The following ATP11A variants were observed in gnomAD, a reference collection of about 807,000 sequenced individuals.
The protein encoded by ATP11A is phospholipid-transporting ATPase IH.
A neutral mutation model predicts 154.4 loss-of-function variants in ATP11A; 81 were observed. That is an observed-to-expected ratio of 0.52 (90% CI 0.44 to 0.63). The LOEUF (loss-of-function observed/expected upper bound fraction) is 0.63, where lower values mean the gene tolerates loss of function less well. ATP11A is among the 30% of genes least tolerant of loss of function. The pLI, the probability that ATP11A is intolerant of heterozygous loss-of-function variation, is 0.00. For synonymous variants in ATP11A, 623 were observed against 585.9 expected (o/e 1.06, Z -0.91); for missense variants, 1,316 against 1,474.3 (o/e 0.89, Z 1.76).
chr13:112,700,762 G>A (rs1317663036), intron 1 of ATP11A, among the ~76,000 whole-genome samples: 1 of 152,198 alleles, frequency 6.6e-6, no homozygotes, highest in Non-Finnish European at 1.5e-5. Context: ...CAAACCCAGG[G>A]CCTGCAACTC....
intron 2 of ATP11A, among the ~76,000 whole-genome samples, chr13:112,787,916 G>A (rs1034990567): frequency 2.7e-5 from 4 of 148,100 alleles, no homozygotes; most frequent in African/African-American, 7.6e-5. Context: ...AGACCCTTGC[G>A]GAGACCTACT....
chr13:112,693,056 A>AAGGACTTTCC (rs1484585269), intron 1 of ATP11A, among the ~76,000 whole-genome samples: 2 of 152,240 alleles, frequency 1.3e-5, no homozygotes, highest in Admixed American at 1.3e-4. Context: ...GCTAAAAGAT[A>AAGGACTTTCC]AAGAAGTCCT....
chr13:112,867,913 G>A (rs556958106), intron 25 of ATP11A, among the ~76,000 whole-genome samples: 1 of 152,328 alleles, frequency 6.6e-6, no homozygotes, highest in Non-Finnish European at 1.5e-5. Flanking sequence ...GGCCCTCTGG[G>A]ATTGATTGTT....
chr13:112,860,260 C>A lies in ATP11A; in HGVS notation c.2728-27C>A, dbSNP rs201416616. ...AAGTTTGTAACAATGCACTGAGGTG[C>A]CACTTCTTGTGACTTTCCTCTTACA... On this transcript the variant is annotated intron_variant, in intron 23 of 29. Coordinates refer to ENST00000375645, the MANE Select transcript of ATP11A (RefSeq NM_015205.3). The A allele has an allele frequency of 3.5e-4, 559 of 1,602,322 alleles. 4 individuals carry two copies. Among genetic ancestry groups the A allele is most frequent in the Admixed American group, 1.9e-4 (11 of 58,680 alleles).
At chr13:112,844,821 G>C (rs954237622) in intron 17 of ATP11A, among the ~76,000 whole-genome samples, 4 of 151,658 alleles carry the variant, frequency 2.6e-5, no homozygotes, top group African/African-American at 9.7e-5. Context: ...CAGTCCAGTT[G>C]CCGGGTGTTA....
intron 1 of ATP11A, among the ~76,000 whole-genome samples, chr13:112,715,431 C>CCA (rs1209896000): frequency 0.094 from 2,261 of 24,070 alleles, 92 homozygotes; most frequent in Middle Eastern, 0.17. Flanking sequence ...GGCCCACCTC[C>CCA]CCACACCTGG....
Position 112,858,216 on chromosome 13 carries a change from A to C in ATP11A, c.2593A>C (p.Lys865Gln). 1 of 1,614,130 alleles carries C rather than the reference A, an allele frequency of 6.2e-7. No individual in the cohort carries two copies. The highest frequency in any genetic ancestry group is 1.1e-5 in the South Asian group (1 of 91,078). Residue 865 changes from lysine (K) to glutamine (Q), a missense_variant, in exon 22 of 30, where the codon AAG becomes CAG. Lys to Gln is a moderately conservative substitution (Grantham distance 53). Transcript: ENST00000375645. ...TGCAATCCCAAAGTTTAAGCATTTG[A>C]AGAAGATGCTGCTTGTTCACGGGCA... ...DYAIPKFKHL[K>Q]KMLLVHGHFY...
chr13:112,731,481 G>T (rs892333622), intron 1 of ATP11A, among the ~76,000 whole-genome samples: 2 of 152,142 alleles, frequency 1.3e-5, no homozygotes, highest in African/African-American at 4.8e-5. Context: ...GCCAGCTGAG[G>T]TTCTGTAGTT....
chr13:112,854,685 A>G (rs1440369095), intron 19 of ATP11A, among the ~76,000 whole-genome samples, 155 bp downstream of exon 19: 1 of 152,254 alleles, frequency 6.6e-6, no homozygotes, highest in Non-Finnish European at 1.5e-5. Flanking sequence ...GGTCAGGTGA[A>G]CACTGGGAAC....
At chr13:112,703,436 A>G (rs1886806773) in intron 1 of ATP11A, 1 of 152,276 alleles carries the variant, frequency 6.6e-6, no homozygotes, top group Non-Finnish European at 1.5e-5. Context: ...AGTTCAGCCC[A>G]CAGCAGTGTC....
In ATP11A at chr13:112,786,803, AC is replaced by A. The variant is rs545708757; in HGVS notation, c.162+1547del. Among the ~76,000 whole-genome samples the A allele has an allele frequency of 1.5e-3, 229 of 152,386 alleles. 1 individual carries two copies. The highest frequency in any genetic ancestry group is 5.3e-3 in the African/African-American group (219 of 41,590). On this transcript the variant is annotated intron_variant, in intron 2 of 29. Coordinates refer to ENST00000375645, the MANE Select transcript of ATP11A (RefSeq NM_015205.3). ...TTCACACGTGTGCCCTCACCTGTAG[AC>A]GCATTTAATTTACATTGGGTGTCCT... is the stretch of plus-strand genomic sequence containing the variant.
intron 1 of ATP11A, among the ~76,000 whole-genome samples, chr13:112,698,746 C>T (rs1045296260): frequency 8.5e-5 from 5 of 58,828 alleles, no homozygotes; most frequent in Non-Finnish European, 3.3e-4. Flanking sequence ...GAGACAAGGT[C>T]TCACTCTGTC....
intron 1 of ATP11A, among the ~76,000 whole-genome samples, chr13:112,710,453 C>T (rs1239322884): frequency 1.3e-5 from 2 of 152,204 alleles, no homozygotes; most frequent in African/African-American, 4.8e-5. Context: ...GTTTTCCCTT[C>T]TCCTGTACCA....
intron 1 of ATP11A, among the ~76,000 whole-genome samples, chr13:112,695,076 T>A (rs1885642419): frequency 6.6e-6 from 1 of 152,252 alleles, no homozygotes; most frequent in Admixed American, 6.5e-5. Context: ...GCCCCTGTTT[T>A]AAAATTTTAG....
In ATP11A at chr13:112,859,283, C is replaced by G; in HGVS notation, c.2668-110C>G. Reference sequence around the variant, plus strand: ...AACCCATTAGTGCTGTTCTGCCGCACGCTGGGTGCACGTGGATCCCTCCTC... The same window carrying G: ...AACCCATTAGTGCTGTTCTGCCGCAGGCTGGGTGCACGTGGATCCCTCCTC... On this transcript the variant is annotated intron_variant, in intron 22 of 29. Transcript: ENST00000375645. This position sits in a 1 kb window ranked among gnomAD's most constrained non-coding sequence, Gnocchi z 4.3. 1.2e-6 allele frequency: 1 copy of G among 847,514 alleles called. No homozygotes were observed. Among genetic ancestry groups the G allele is most frequent in the South Asian group, 1.3e-5 (1 of 74,110 alleles). 52.5% of individuals were successfully genotyped at this position (847,514 alleles called of 1,614,324 possible).
intron 16 of ATP11A, among the ~76,000 whole-genome samples, chr13:112,839,146 G>A (rs867532342): frequency 2.0e-5 from 3 of 152,154 alleles, no homozygotes; most frequent in Non-Finnish European, 4.4e-5. Context: ...CAGGCCACTC[G>A]GCTGCATCAG....
chr13:112,771,244 G>T (rs1387816408), intron 1 of ATP11A, among the ~76,000 whole-genome samples: 1 of 152,172 alleles, frequency 6.6e-6, no homozygotes, highest in Non-Finnish European at 1.5e-5. Flanking sequence ...GGTTATTTTG[G>T]GTAATCCAGC....
At chr13:112,722,966 C>T (rs915297229) in intron 1 of ATP11A, among the ~76,000 whole-genome samples, 1 of 151,950 alleles carries the variant, frequency 6.6e-6, no homozygotes, top group Admixed American at 6.5e-5. Context: ...TTCAGAGATT[C>T]TTTAATTTGC....
At chr13:112,869,901 C>A (rs1051360716) in intron 25 of ATP11A, among the ~76,000 whole-genome samples, 2 of 152,236 alleles carry the variant, frequency 1.3e-5, no homozygotes, top group South Asian at 2.1e-4. Flanking sequence ...AGGCTTCTCA[C>A]CCGGGCTCTG....
Sources: allele counts gnomAD v4.1 joint callset (sites outside exome capture counted in the v4.1 genomes callset), GRCh38; gene constraint gnomAD v4.1.1; non-coding constraint Gnocchi (gnomAD v3.1); transcripts MANE v1.5; gene names NCBI Gene and HGNC (gene_info 2026-07-23, HGNC 2026-07-21).